Variants in ZNF462 observed in about 807,000 individuals in gnomAD.
ZNF462 encodes zinc finger protein 462, also known as zinc finger PBX1-interacting protein.
ZNF462 carries 10 observed loss-of-function variants against 201.9 expected under a neutral mutation model. The ratio of observed to expected loss-of-function variants is 0.05; its 90% confidence interval spans 0.03 to 0.08. ZNF462 has a LOEUF of 0.08. ZNF462 is among the 10% of genes least tolerant of loss of function. The pLI is 1.00. For synonymous variants in ZNF462, 1,227 were observed against 1,193.3 expected, an observed-to-expected ratio of 1.03 and a Z score of -0.58; for missense variants, 2,523 against 3,168.3, an observed-to-expected ratio of 0.80 and a Z score of 4.89.
At position 106,913,247 on chromosome 9, in the gene ZNF462, C is replaced by G. The variant is rs542215684; in HGVS notation, c.-30-10107C>G. Among the ~76,000 whole-genome samples, 1 of 152,170 alleles carries G rather than the reference C, an allele frequency of 6.6e-6. No homozygotes were observed. Among genetic ancestry groups the G allele is most frequent in the Non-Finnish European group, 1.5e-5 (1 of 68,040 alleles). ...TAGTCAGCTAACCACTGTGATGTGGCTTCATTAGCTTCATAAGCACTAGGT... is the reference window on the plus strand; with the variant it reads ...TAGTCAGCTAACCACTGTGATGTGGGTTCATTAGCTTCATAAGCACTAGGT... On this transcript the variant is annotated intron_variant, in intron 1 of 12. Coordinates refer to ENST00000277225, the MANE Select transcript of ZNF462 (RefSeq NM_021224.6). This position sits in a 1 kb window ranked among gnomAD's most constrained non-coding sequence, Gnocchi z 4.1.
chr9:106,902,065 T>C lies in ZNF462; in HGVS notation c.-30-21289T>C, dbSNP rs142727331. Among the ~76,000 whole-genome samples the C allele has an allele frequency of 6.3e-3, 957 of 152,294 alleles. 10 individuals carry two copies. The highest frequency in any genetic ancestry group is 0.022 in the African/African-American group (923 of 41,570). ...ATGCTGGCTGTGGGTTTGTCATAGA[T>C]GGCTTTTATTACATTAAGGTATGTC... On this transcript the variant is annotated intron_variant, in intron 1 of 12. Transcript: ENST00000277225. This position sits in a 1 kb window ranked among gnomAD's most constrained non-coding sequence, Gnocchi z 4.2.
At position 107,011,198 on chromosome 9, in the gene ZNF462, T is replaced by C. The variant is rs1588216252; in HGVS notation, c.*168T>C. The C allele has an allele frequency of 1.6e-6, 1 of 607,534 alleles. No homozygotes were observed. Among genetic ancestry groups the C allele is most frequent in the Non-Finnish European group, 2.9e-6 (1 of 347,826 alleles). The allele number at this position is 607,534 out of a possible 1,614,324, so 37.6% of individuals were successfully genotyped here. On this transcript the variant is annotated 3_prime_UTR_variant, in exon 13 of 13. Coordinates refer to ENST00000277225, the MANE Select transcript of ZNF462 (RefSeq NM_021224.6). The surrounding 1 kb of genome is among the most constrained non-coding windows in gnomAD (Gnocchi z 5.6). Reference sequence around the variant, plus strand: ...ACTGGTACCTGTGTGAGTGAGTATGTAAATTAAAGTTATTTAAATGGTTGG... The same window carrying C: ...ACTGGTACCTGTGTGAGTGAGTATGCAAATTAAAGTTATTTAAATGGTTGG...
chr9:106,986,107 G>A (rs1253671379), intron 10 of ZNF462, among the ~76,000 whole-genome samples: 1 of 152,140 alleles, frequency 6.6e-6, no homozygotes, highest in East Asian at 1.9e-4. Flanking sequence ...GATATTTTCA[G>A]ACAGAACAAA....
intron 1 of ZNF462, among the ~76,000 whole-genome samples, chr9:106,866,438 T>C (rs1182076993): frequency 1.3e-5 from 2 of 152,192 alleles, no homozygotes; most frequent in African/African-American, 2.4e-5. Context: ...ATTGTTCTTC[T>C]GAGGGGTGTG....
In ZNF462 at chr9:106,929,457, A is replaced by G. The variant is rs1362213237; in HGVS notation, c.5545A>G (p.Ile1849Val). The G allele has an allele frequency of 6.2e-7, 1 of 1,614,026 alleles. No homozygotes were observed. Among genetic ancestry groups the G allele is most frequent in the African/African-American group, 1.3e-5 (1 of 74,922 alleles). ...QEIEWLPFRC[I>V]KCFKLSFSTA... ...AATCGAGTGGCTCCCATTCCGCTGCATCAAATGCTTCAAGCTGTCCTTTAG... is the reference window on the plus strand; with the variant it reads ...AATCGAGTGGCTCCCATTCCGCTGCGTCAAATGCTTCAAGCTGTCCTTTAG... Residue 1849 changes from isoleucine (I) to valine (V), a missense_variant, in exon 3 of 13, where the codon ATC becomes GTC. Around this residue, in one of 15 missense-constraint regions of ZNF462, gnomAD observed 207 missense variants for 231.6 expected, o/e 0.89. Coordinates refer to ENST00000277225, the MANE Select transcript of ZNF462 (RefSeq NM_021224.6). This position sits in a 1 kb window ranked among gnomAD's most constrained non-coding sequence, Gnocchi z 8.7.
Position 106,876,900 on chromosome 9 carries a change from C to G in ZNF462, c.-31+13545C>G, listed in dbSNP as rs772370363. The stretch of plus-strand genomic sequence containing the variant: ...TGTTGCTCTACTCACATACATATCT[C>G]TTAGCCAGTTTGAGGACTGCCCCAT... On this transcript the variant is annotated intron_variant, in intron 1 of 12. Coordinates refer to ENST00000277225, the MANE Select transcript of ZNF462 (RefSeq NM_021224.6). The surrounding 1 kb of genome is among the most constrained non-coding windows in gnomAD (Gnocchi z 4.9). 6.6e-6 allele frequency among the ~76,000 whole-genome samples: 1 copy of G among 152,164 alleles called. No homozygotes were observed. Among genetic ancestry groups the G allele is most frequent in the African/African-American group, 2.4e-5 (1 of 41,432 alleles).
chr9:106,994,623 T>G (rs912152246), intron 10 of ZNF462, among the ~76,000 whole-genome samples: 1 of 152,184 alleles, frequency 6.6e-6, no homozygotes, highest in Non-Finnish European at 1.5e-5. Flanking sequence ...CTGCTTTCCC[T>G]CATGCAGTTC....
rs1039809951 is a variant in ZNF462, at chr9:106,978,553, A to G, written c.6832+4280A>G. Among the ~76,000 whole-genome samples the G allele has an allele frequency of 3.3e-5, 5 of 151,538 alleles. No individual in the cohort carries two copies. Among genetic ancestry groups the G allele is most frequent in the Admixed American group, 6.6e-5 (1 of 15,246 alleles). On this transcript the variant is annotated intron_variant, in intron 9 of 12. Transcript: ENST00000277225. The surrounding 1 kb of genome is among the most constrained non-coding windows in gnomAD (Gnocchi z 4.1). ...GGAACTGTGAACTTAGGTCAGATCA[A>G]CGTTTGGTGAGATTGACCATGATTT...
At position 106,984,158 on chromosome 9, in the gene ZNF462, C is replaced by T. The variant is rs757102586; in HGVS notation, c.6833-28C>T. On this transcript the variant is annotated intron_variant, in intron 9 of 12. Coordinates refer to ENST00000277225, the MANE Select transcript of ZNF462 (RefSeq NM_021224.6). The surrounding 1 kb of genome is among the most constrained non-coding windows in gnomAD (Gnocchi z 6.4). Reference sequence around the variant, plus strand: ...CTGTTTTGCCATCAGTAAAAATTCCCATCTTTCCATTCAATTTGTTTCCAC... The same window carrying T: ...CTGTTTTGCCATCAGTAAAAATTCCTATCTTTCCATTCAATTTGTTTCCAC... 10 of 1,589,840 alleles carry T rather than the reference C, an allele frequency of 6.3e-6. No individual in the cohort carries two copies. Among genetic ancestry groups the T allele is most frequent in the Non-Finnish European group, 8.6e-6 (10 of 1,165,928 alleles).
intron 10 of ZNF462, among the ~76,000 whole-genome samples, chr9:106,989,087 G>A (rs556913115): frequency 4.3e-4 from 66 of 152,222 alleles, no homozygotes; most frequent in African/African-American, 1.6e-3. Context: ...GAAGAGGAGT[G>A]GTGAGAGTGG....
Position 107,012,122 on chromosome 9 carries a change from T to C in ZNF462, c.*1092T>C, listed in dbSNP as rs1478487716. The C allele has an allele frequency of 1.3e-5, 2 of 149,322 alleles. No homozygotes were observed. The highest frequency in any genetic ancestry group is 3.0e-5 in the Non-Finnish European group (2 of 67,260). 9.2% of individuals were successfully genotyped at this position (149,322 alleles called of 1,614,324 possible). A position where few individuals can be genotyped will look rare whatever the true frequency, so the allele number is the denominator to read the frequency against. On this transcript the variant is annotated 3_prime_UTR_variant, in exon 13 of 13. Transcript: ENST00000277225. ...TTAACTTTCTTTTTTTTTTTTTTTT[T>C]TTTTTTTAATTTAACTAAAGAACCA...
At position 106,935,737 on chromosome 9, in the gene ZNF462, A is replaced by T. The variant is rs1018685144; in HGVS notation, c.6235+116A>T. 2.7e-6 allele frequency: 2 copies of T among 731,580 alleles called. No individual in the cohort carries two copies. The highest frequency in any genetic ancestry group is 3.5e-5 in the African/African-American group (2 of 56,704). The allele number at this position is 731,580 out of a possible 1,614,324, so 45.3% of individuals were successfully genotyped here. ...TACACTTGAGAATGTTATTCTTGGG[A>T]TGGATGTATATTCAGTTTTATTTTT... On this transcript the variant is annotated intron_variant, in intron 6 of 12. Transcript: ENST00000277225. This position sits in a 1 kb window ranked among gnomAD's most constrained non-coding sequence, Gnocchi z 4.1.
chr9:106,915,232 G>C (rs1394712553), intron 1 of ZNF462, among the ~76,000 whole-genome samples: 1 of 147,960 alleles, frequency 6.8e-6, no homozygotes, highest in Non-Finnish European at 1.5e-5. Flanking sequence ...TTTTAAAACA[G>C]CTCAACAGTG....
At chr9:106,862,562 C>G (rs761936588), upstream of ZNF462, among the ~76,000 whole-genome samples, 79 of 152,006 alleles carry the variant, frequency 5.2e-4, no homozygotes, top group Non-Finnish European at 1.8e-4. The surrounding 1 kb of genome is among the most constrained non-coding windows in gnomAD (Gnocchi z 4.2). Context: ...TCCTTTGCCT[C>G]CTTCTCCTCC....
chr9:106,952,786 A>G (rs938160271), intron 7 of ZNF462, among the ~76,000 whole-genome samples: 2 of 152,164 alleles, frequency 1.3e-5, no homozygotes, highest in South Asian at 2.1e-4. Context: ...GTTTCATTTT[A>G]TTTAAGCCAT....
chr9:106,923,451 T>G lies in ZNF462; in HGVS notation c.68T>G (p.Ile23Ser). The change falls in exon 2 of 13, where the codon ATT becomes AGT. Residue 23 changes from isoleucine to serine, a missense_variant. Physicochemically the swap from Ile to Ser is moderately radical, Grantham distance 142. Around this residue, in one of 15 missense-constraint regions of ZNF462, gnomAD observed 480 missense variants for 544.4 expected, o/e 0.88. Coordinates refer to ENST00000277225, the MANE Select transcript of ZNF462 (RefSeq NM_021224.6). This position sits in a 1 kb window ranked among gnomAD's most constrained non-coding sequence, Gnocchi z 5.6. The part of the protein sequence containing the change: ...APSYEDLKAH[I>S]QDVHTAFLQP... ...TCTTATGAAGATCTCAAGGCACACA[T>G]TCAGGATGTCCACACGGCATTTCTG... is the stretch of plus-strand genomic sequence containing the variant. The G allele has an allele frequency of 6.2e-7, 1 of 1,614,192 alleles. No homozygotes were observed. Among genetic ancestry groups the G allele is most frequent in the African/African-American group, 1.3e-5 (1 of 75,040 alleles).
rs1830001222 is a variant in ZNF462, at chr9:107,012,789, A to G, written c.*1759A>G. ...AAAGGGAAGGGGAATTGCTGAGATG[A>G]CAGTGTCCCACACAGCTTCAAATAA... On this transcript the variant is annotated 3_prime_UTR_variant, in exon 13 of 13. Transcript: ENST00000277225. The G allele has an allele frequency of 6.6e-6, 1 of 151,084 alleles. No homozygotes were observed. Among genetic ancestry groups the G allele is most frequent in the African/African-American group, 2.4e-5 (1 of 41,154 alleles). The allele number at this position is 151,084 out of a possible 1,614,324, so 9.4% of individuals were successfully genotyped here.
chr9:106,994,944 A>T (rs755129347), intron 10 of ZNF462, among the ~76,000 whole-genome samples: 1 of 152,186 alleles, frequency 6.6e-6, no homozygotes, highest in Non-Finnish European at 1.5e-5. Flanking sequence ...CCCAGCATAC[A>T]GTAAAGCCTC....
At chr9:106,904,908 T>C (rs1296130893) in intron 1 of ZNF462, among the ~76,000 whole-genome samples, 1 of 152,198 alleles carries the variant, frequency 6.6e-6, no homozygotes, top group East Asian at 1.9e-4. Flanking sequence ...TCCTGAATTC[T>C]TTTTCAGATA....
Sources: gnomAD v4.1 joint callset for allele counts (sites outside exome capture counted in the v4.1 genomes callset) on GRCh38, gnomAD v4.1.1 for gene constraint, gnomAD v4.1.1 regional missense constraint, Gnocchi (gnomAD v3.1) non-coding constraint, MANE v1.5 for transcripts, NCBI Gene and HGNC (gene_info 2026-07-23, HGNC 2026-07-21) for gene names.